The following PEAK1 variants were observed in gnomAD, a reference collection of about 807,000 sequenced individuals.
PEAK1 encodes pseudopodium enriched atypical kinase 1.
A neutral mutation model predicts 124.7 loss-of-function variants in PEAK1; 54 were observed. The ratio of observed to expected loss-of-function variants is 0.43; its 90% confidence interval spans 0.35 to 0.54. PEAK1 has a LOEUF of 0.54. Among genes scored for constraint, PEAK1 ranks in the 20% least tolerant of loss-of-function variants. The pLI, the probability that PEAK1 is intolerant of heterozygous loss-of-function variation, is 0.01. For synonymous variants in PEAK1, 719 were observed against 760.0 expected (o/e 0.95, Z 0.89); for missense variants, 2,046 against 2,134.5 (o/e 0.96, Z 0.82).
intron 1 of PEAK1, among the ~76,000 whole-genome samples, chr15:77,410,272 T>G (rs746907420): frequency 6.6e-6 from 1 of 152,142 alleles, no homozygotes; most frequent in African/African-American, 2.4e-5. Context: ...ATTACAGGCA[T>G]GCGCCACCAC....
intron 6 of PEAK1, among the ~76,000 whole-genome samples, chr15:77,222,261 T>C (rs957283364): frequency 1.3e-5 from 2 of 152,090 alleles, no homozygotes; most frequent in African/African-American, 4.8e-5. Context: ...TTTCTCCTTC[T>C]TTCTCTCTTC....
At chr15:77,404,275 T>C (rs749752832) in intron 1 of PEAK1, 23 of 985,302 alleles carry the variant, frequency 2.3e-5, no homozygotes, top group African/African-American at 1.6e-4. Context: ...CTCTCCAGAA[T>C]ACCTGCAAAG....
At chr15:77,119,894 C>G (rs1346104851) in intron 9 of PEAK1, among the ~76,000 whole-genome samples, 1 of 152,146 alleles carries the variant, frequency 6.6e-6, no homozygotes, top group East Asian at 1.9e-4. Flanking sequence ...ACTGTAAAGT[C>G]CCATTAAAAA....
chr15:77,166,913 C>A (rs563559327), intron 7 of PEAK1, among the ~76,000 whole-genome samples: 1 of 152,284 alleles, frequency 6.6e-6, no homozygotes, highest in East Asian at 1.9e-4. Context: ...GGCTACCAAA[C>A]TTTCATGTAC....
rs112255572 is a variant in PEAK1, at chr15:77,228,163, C to T, written c.-115+24204G>A. On this transcript the variant is annotated intron_variant, in intron 6 of 9. Transcript: ENST00000682557. ...TAAGTTTTAGGGTACATGTGCACAA[C>T]GTGCAGGTTTGTTACATATGTTTAC... 6.5e-4 allele frequency among the ~76,000 whole-genome samples: 99 copies of T among 152,004 alleles called. 2 individuals are homozygous for T. The highest frequency in any genetic ancestry group is 2.3e-3 in the African/African-American group (94 of 41,468).
intron 5 of PEAK1, among the ~76,000 whole-genome samples, chr15:77,268,302 C>T (rs138117816): frequency 1.6e-3 from 243 of 152,132 alleles, no homozygotes; most frequent in African/African-American, 5.6e-3. Flanking sequence ...TGGTGAAACC[C>T]CATCTCTCCT....
At position 77,310,776 on chromosome 15, in the gene PEAK1, T is replaced by C. The variant is rs567849966; in HGVS notation, c.-602-24272A>G. Among the ~76,000 whole-genome samples, 5 of 152,298 alleles carry C rather than the reference T, an allele frequency of 3.3e-5. No individual in the cohort carries two copies. In the South Asian group the frequency reaches 1.0e-3, roughly 32 times the overall value. ...ACCTAGACCTGGCTTGGGGATAACC[T>C]AAAGAAGCGTTGAGATCTGAAGGAT... is the stretch of plus-strand genomic sequence containing the variant. On this transcript the variant is annotated intron_variant, in intron 2 of 9. Transcript: ENST00000682557.
intron 1 of PEAK1, among the ~76,000 whole-genome samples, chr15:77,389,788 C>A (rs890062355): frequency 6.6e-6 from 1 of 152,134 alleles, no homozygotes; most frequent in African/African-American, 2.4e-5. Flanking sequence ...CTATGTTCCA[C>A]CATCCCTGTA....
chr15:77,410,175 C>T (rs958551597), intron 1 of PEAK1, among the ~76,000 whole-genome samples: 1 of 151,742 alleles, frequency 6.6e-6, no homozygotes, highest in African/African-American at 2.4e-5. Flanking sequence ...GGAACCTCTG[C>T]CTCCCAGGTT....
At chr15:77,258,565 T>C (rs1274642070) in intron 5 of PEAK1, among the ~76,000 whole-genome samples, 1 of 152,184 alleles carries the variant, frequency 6.6e-6, no homozygotes, top group East Asian at 1.9e-4. Flanking sequence ...TGTGATTTTG[T>C]ACATTGATTT....
chr15:77,272,013 G>A (rs1257234799), intron 5 of PEAK1, among the ~76,000 whole-genome samples: 4 of 152,134 alleles, frequency 2.6e-5, no homozygotes. Flanking sequence ...GTTCCTGAAT[G>A]ATCACTGAGT....
At chr15:77,338,806 T>C (rs1401503542) in intron 2 of PEAK1, among the ~76,000 whole-genome samples, 1 of 151,900 alleles carries the variant, frequency 6.6e-6, no homozygotes, top group African/African-American at 2.4e-5. Flanking sequence ...ACCATGCATT[T>C]CTATCTAAGC....
intron 2 of PEAK1, among the ~76,000 whole-genome samples, chr15:77,328,095 T>C (rs2065685201): frequency 6.6e-6 from 1 of 152,150 alleles, no homozygotes; most frequent in Non-Finnish European, 1.5e-5. Context: ...TGGCAAAAGA[T>C]CACTTTACAG....
chr15:77,183,438 T>C (rs559656821), intron 6 of PEAK1, among the ~76,000 whole-genome samples: 135 of 152,290 alleles, frequency 8.9e-4, no homozygotes, highest in African/African-American at 3.1e-3. Flanking sequence ...TAAAATAAAA[T>C]TATGAAATAC....
At chr15:77,346,415 T>C (rs1056488974) in intron 2 of PEAK1, 7 of 972,882 alleles carry the variant, frequency 7.2e-6, no homozygotes, top group Non-Finnish European at 8.5e-6. Flanking sequence ...TTCATTTTGC[T>C]AGGATGACAG....
At chr15:77,365,266 T>A in intron 1 of PEAK1, 41 bp from the exon 2 acceptor site, 2 of 841,742 alleles carry the variant, frequency 2.4e-6, no homozygotes, top group Non-Finnish European at 2.9e-6. Flanking sequence ...ATGGTCAATA[T>A]GGTTGAATCT....
At chr15:77,250,493 C>T (rs963976935) in intron 6 of PEAK1, among the ~76,000 whole-genome samples, 19 of 151,746 alleles carry the variant, frequency 1.3e-4, no homozygotes, top group African/African-American at 4.1e-4. Context: ...AGTGCAGTGG[C>T]GCAATCTCAG....
chr15:77,340,181 T>C (rs560523973), intron 2 of PEAK1, among the ~76,000 whole-genome samples: 5 of 152,354 alleles, frequency 3.3e-5, no homozygotes, highest in Admixed American at 6.5e-5. Context: ...CAAATGTTTA[T>C]AGAAGTTTTA....
chr15:77,226,074 TA>T (rs975831151), intron 6 of PEAK1, among the ~76,000 whole-genome samples: 2 of 137,330 alleles, frequency 1.5e-5, no homozygotes, highest in Admixed American at 1.5e-4. Flanking sequence ...TATATATATA[TA>T]TATATATATA....
Sources: allele counts gnomAD v4.1 joint callset (sites outside exome capture counted in the v4.1 genomes callset), GRCh38; gene constraint gnomAD v4.1.1; transcripts MANE v1.5; gene names NCBI Gene and HGNC (gene_info 2026-07-23, HGNC 2026-07-21).